Variants in ARID1B observed in about 807,000 individuals in gnomAD.
The protein encoded by ARID1B is AT-rich interactive domain-containing protein 1B.
Under a neutral mutation model 212.3 loss-of-function variants are expected in ARID1B, and 30 were observed. That is an observed-to-expected ratio of 0.14 (90% CI 0.11 to 0.19). ARID1B has a LOEUF of 0.19. Among genes scored for constraint, ARID1B ranks in the 10% least tolerant of loss-of-function variants. ARID1B has a pLI of 1.00. For missense variants in ARID1B, 2,891 were observed against 3,204.0 expected (o/e 0.90, Z 2.36); for synonymous variants, 1,402 against 1,301.7 (o/e 1.08, Z -1.66).
In ARID1B at chr6:157,174,853, T is replaced by A. The variant is rs757176899; in HGVS notation, c.3352T>A (p.Tyr1118Asn). ...PQPESKSKDS[Y>N]SSQGISQPPT... ...TTTTATTCCTCTACCACAGGATAGC[T>A]ACAGCTCTCAGGGTATTTCTCAGCC... is the stretch of plus-strand genomic sequence containing the variant. Residue 1118 changes from tyrosine to asparagine, a missense_variant, in exon 11 of 20, where the codon TAC (tyrosine) becomes AAC (asparagine). Physicochemically the swap from Tyr to Asn is moderately radical, Grantham distance 143. Around this residue, in one of 7 missense-constraint regions of ARID1B, gnomAD observed 1,643 missense variants for 1,544.0 expected, o/e 1.06. Transcript: ENST00000636930. 6.5e-7 allele frequency: 1 copy of A among 1,545,228 alleles called. No individual in the cohort carries two copies. The highest frequency in any genetic ancestry group is 1.9e-5 in the Admixed American group (1 of 52,756).
At chr6:156,919,095 G>A (rs764795889) in intron 3 of ARID1B, among the ~76,000 whole-genome samples, 2 of 152,170 alleles carry the variant, frequency 1.3e-5, no homozygotes, top group Non-Finnish European at 2.9e-5. Flanking sequence ...ATGTCTTTTG[G>A]TATGAATTTG....
At chr6:156,782,384 A>G (rs1472309005) in intron 1 of ARID1B, among the ~76,000 whole-genome samples, 2 of 152,088 alleles carry the variant, frequency 1.3e-5, no homozygotes, top group Non-Finnish European at 2.9e-5. Context: ...AAAGTGAAAT[A>G]AGCCATTTGA....
chr6:156,984,909 G>T (rs1310642044), intron 4 of ARID1B: 2 of 152,250 alleles, frequency 1.3e-5, no homozygotes, highest in African/African-American at 4.8e-5. Context: ...GCCCAAGCTG[G>T]TCTTGAACTC....
intron 3 of ARID1B, among the ~76,000 whole-genome samples, chr6:156,929,820 G>A (rs2128254877): frequency 6.6e-6 from 1 of 152,274 alleles, no homozygotes; most frequent in East Asian, 1.9e-4. Flanking sequence ...CTTACTAGGT[G>A]CCATTGCCAT....
At chr6:156,977,902 G>A (rs1361950684) in intron 4 of ARID1B, among the ~76,000 whole-genome samples, 2 of 152,198 alleles carry the variant, frequency 1.3e-5, no homozygotes, top group Non-Finnish European at 1.5e-5. Context: ...GGTAAGCAGG[G>A]TCTGCACTGA....
intron 1 of ARID1B, among the ~76,000 whole-genome samples, chr6:156,824,224 C>G (rs1322589673): frequency 1.3e-5 from 2 of 152,162 alleles, no homozygotes; most frequent in African/African-American, 4.8e-5. Flanking sequence ...TAAAACCAGA[C>G]TGGTTAGGTT....
At chr6:156,910,412 C>T (rs1789776621) in intron 3 of ARID1B, among the ~76,000 whole-genome samples, 1 of 152,116 alleles carries the variant, frequency 6.6e-6, no homozygotes, top group Non-Finnish European at 1.5e-5. Flanking sequence ...CCTTCTTGGT[C>T]CTTAATTTAA....
In ARID1B at chr6:156,968,125, T is replaced by G. The variant is rs531761897; in HGVS notation, c.2247+32549T>G. 2.6e-5 allele frequency among the ~76,000 whole-genome samples: 4 copies of G among 152,346 alleles called. No individual in the cohort carries two copies. The East Asian group carries it at 5.8e-4, about 22-fold the overall frequency. On this transcript the variant is annotated intron_variant, in intron 4 of 19. Transcript: ENST00000636930. ...ACTGTCCTTGAGCTTTAACCAAGCA[T>G]CTGTAAGCACCTCACCTGGACTCTT...
At chr6:157,108,221 A>G (rs952340784) in intron 5 of ARID1B, among the ~76,000 whole-genome samples, 4 of 152,238 alleles carry the variant, frequency 2.6e-5, no homozygotes, top group Admixed American at 6.5e-5. Flanking sequence ...TTAAAGAGAC[A>G]TCTGTCTTAG....
intron 2 of ARID1B, among the ~76,000 whole-genome samples, chr6:156,832,821 C>CT (rs1336252814): frequency 6.6e-6 from 1 of 152,116 alleles, no homozygotes; most frequent in African/African-American, 2.4e-5. Flanking sequence ...CCCTGGTGAT[C>CT]TTTGATTTGT....
intron 5 of ARID1B, among the ~76,000 whole-genome samples, chr6:157,095,774 A>G (rs1015108590): frequency 1.3e-5 from 2 of 152,156 alleles, no homozygotes; most frequent in Non-Finnish European, 2.9e-5. Context: ...AGACTTCCTC[A>G]TTTCCACAAT....
chr6:157,087,915 T>C (rs1785054737), intron 5 of ARID1B, among the ~76,000 whole-genome samples: 1 of 152,204 alleles, frequency 6.6e-6, no homozygotes, highest in Non-Finnish European at 1.5e-5. Context: ...GAATTTCTAC[T>C]GTTGTCTCTA....
chr6:157,175,916 G>C (rs956321355), intron 11 of ARID1B: 3 of 151,850 alleles, frequency 2.0e-5, no homozygotes, highest in African/African-American at 7.3e-5. Flanking sequence ...TAATTAACAT[G>C]CTCATTTCTG....
intron 2 of ARID1B, among the ~76,000 whole-genome samples, chr6:156,859,270 C>T (rs571536183): frequency 3.3e-5 from 5 of 152,076 alleles, no homozygotes; most frequent in African/African-American, 7.3e-5. Flanking sequence ...CCCGCCACCA[C>T]GTGTATGGGA....
chr6:156,997,975 T>C (rs973621330), intron 4 of ARID1B, among the ~76,000 whole-genome samples: 8 of 152,200 alleles, frequency 5.3e-5, no homozygotes, highest in Non-Finnish European at 1.2e-4. Flanking sequence ...TAAATTCTTA[T>C]GGGACAATAA....
intron 4 of ARID1B, chr6:156,939,125 G>A (rs1484108210): frequency 6.6e-6 from 1 of 152,060 alleles, no homozygotes; most frequent in Non-Finnish European, 1.5e-5. Context: ...TACATCCTTG[G>A]TATTACTGTT....
intron 4 of ARID1B, among the ~76,000 whole-genome samples, chr6:157,038,923 A>C (rs1171502924): frequency 6.6e-6 from 1 of 150,486 alleles, no homozygotes; most frequent in African/African-American, 2.5e-5. Flanking sequence ...TTTTTTTTTG[A>C]GACTGGGTCT....
At chr6:157,179,138 T>C (rs1338715576) in intron 11 of ARID1B, among the ~76,000 whole-genome samples, 1 of 152,168 alleles carries the variant, frequency 6.6e-6, no homozygotes, top group Middle Eastern at 3.2e-3. Context: ...TTTTCACTTT[T>C]GAAAACGTTG....
chr6:156,800,090 T>C (rs1284337359), intron 1 of ARID1B, among the ~76,000 whole-genome samples: 3 of 152,192 alleles, frequency 2.0e-5, no homozygotes, highest in African/African-American at 7.2e-5. Context: ...CTTCTTTTGA[T>C]GAGAATGTGA....
Sources: allele counts gnomAD v4.1 joint callset (sites outside exome capture counted in the v4.1 genomes callset), GRCh38; gene constraint gnomAD v4.1.1; regional missense constraint gnomAD v4.1.1; transcripts MANE v1.5; gene names NCBI Gene and HGNC (gene_info 2026-07-23, HGNC 2026-07-21).